Variants in CELF2 observed in about 807,000 individuals in gnomAD.
CELF2 encodes CUGBP Elav-like family member 2, also known as CUG triplet repeat RNA-binding protein 2.
Under a neutral mutation model 62.6 loss-of-function variants are expected in CELF2, and 8 were observed. That is an observed-to-expected ratio of 0.13 (90% CI 0.07 to 0.23). The LOEUF is 0.23. Ranked by LOEUF, CELF2 falls within the 10% of genes least tolerant of loss-of-function variation. The pLI is 1.00. For missense variants in CELF2, 333 were observed against 671.0 expected (o/e 0.50, Z 5.56); for synonymous variants, 258 against 250.0 (o/e 1.03, Z -0.30).
chr10:10,624,907 T>A, the CELF2 span, among the ~76,000 whole-genome samples: 1 of 152,226 alleles, frequency 6.6e-6, no homozygotes, highest in East Asian at 1.9e-4. Context: ...AAGGTCCTCG[T>A]GCTGCTACTT....
At chr10:10,628,988 G>A in the CELF2 span, among the ~76,000 whole-genome samples, 2 of 152,222 alleles carry the variant, frequency 1.3e-5, no homozygotes, top group East Asian at 3.9e-4. Context: ...AGCAGAAAAG[G>A]ACCCACATTG....
At chr10:10,933,862 G>A (rs1174736262) in intron 2 of CELF2, among the ~76,000 whole-genome samples, 1 of 152,202 alleles carries the variant, frequency 6.6e-6, no homozygotes, top group Non-Finnish European at 1.5e-5. Flanking sequence ...TGCTTAGGTT[G>A]ATTCCATATC....
chr10:10,829,324 C>A (rs1215859169), intron 1 of CELF2, among the ~76,000 whole-genome samples: 1 of 152,202 alleles, frequency 6.6e-6, no homozygotes, highest in Admixed American at 6.5e-5. Context: ...CTTAAAAATA[C>A]TTTTGATTAT....
chr10:10,982,259 C>T (rs2052224984), intron 2 of CELF2, among the ~76,000 whole-genome samples: 1 of 151,968 alleles, frequency 6.6e-6, no homozygotes, highest in Non-Finnish European at 1.5e-5. Flanking sequence ...TCAGCCGACC[C>T]TCTCTTCTAC....
At chr10:11,172,359 A>G (rs544380512) in intron 2 of CELF2, among the ~76,000 whole-genome samples, 25 of 152,224 alleles carry the variant, frequency 1.6e-4, no homozygotes, top group Non-Finnish European at 3.1e-4. Flanking sequence ...CATCTTTGTG[A>G]AAGGTGGCTT....
chr10:11,197,656 A>G (rs1414300311), intron 2 of CELF2, among the ~76,000 whole-genome samples: 1 of 152,216 alleles, frequency 6.6e-6, no homozygotes, highest in Non-Finnish European at 1.5e-5. Flanking sequence ...GCTGAACAGA[A>G]TCTCAGTTCT....
At chr10:10,623,085 C>CAAAAAAAAAAAAAAAAAAA in the CELF2 span, among the ~76,000 whole-genome samples, 1 of 57,198 alleles carries the variant, frequency 1.7e-5, no homozygotes. Flanking sequence ...GACTCCGTCT[C>CAAAAAAAAAAAAAAAAAAA]AAAAAAAAAA....
chr10:11,152,450 G>T (rs1235264922), intron 1 of CELF2, among the ~76,000 whole-genome samples: 1 of 152,024 alleles, frequency 6.6e-6, no homozygotes, highest in Non-Finnish European at 1.5e-5. Flanking sequence ...TTAAATAATG[G>T]GACTATAGCA....
chr10:10,754,207 C>T, the CELF2 span, among the ~76,000 whole-genome samples: 5 of 151,216 alleles, frequency 3.3e-5, no homozygotes, highest in East Asian at 7.8e-4. Flanking sequence ...TGCAGTGGCA[C>T]AATCACAGCT....
intron 9 of CELF2, among the ~76,000 whole-genome samples, chr10:11,312,348 T>C (rs2094605495): frequency 6.6e-6 from 1 of 152,098 alleles, no homozygotes; most frequent in Admixed American, 6.5e-5. Flanking sequence ...AAGTGGTAAA[T>C]ATGTGGGCAA....
In CELF2 at chr10:10,877,842, G is replaced by A. The variant is rs73567585; in HGVS notation, c.54-42122G>A. Among the ~76,000 whole-genome samples, 118 of 152,026 alleles carry A rather than the reference G, an allele frequency of 7.8e-4. 1 individual carries two copies. The highest frequency in any genetic ancestry group is 2.6e-3 in the African/African-American group (108 of 41,448). On this transcript the variant is annotated intron_variant, in intron 1 of 13. Transcript: ENST00000636488. Reference sequence around the variant, plus strand: ...TTTATTTATTCAATAATTCTACTTCGTGCCTGTTATATTCAGCAAGCCTGG... The same window carrying A: ...TTTATTTATTCAATAATTCTACTTCATGCCTGTTATATTCAGCAAGCCTGG...
intron 3 of CELF2, among the ~76,000 whole-genome samples, chr10:11,222,232 A>G (rs1227153973): frequency 6.6e-6 from 1 of 152,144 alleles, no homozygotes; most frequent in Non-Finnish European, 1.5e-5. Flanking sequence ...GGAGGTGTTC[A>G]TTTTCTTTGA....
intron 2 of CELF2, among the ~76,000 whole-genome samples, chr10:11,174,955 A>C (rs1015379669): frequency 2.0e-5 from 3 of 152,202 alleles, no homozygotes; most frequent in Non-Finnish European, 2.9e-5. Context: ...ATACCTCCCT[A>C]CTAAACATTC....
chr10:11,274,955 C>T, intron 7 of CELF2, 102 bp from the exon 8 acceptor site: 1 of 1,135,494 alleles, frequency 8.8e-7, no homozygotes, highest in Non-Finnish European at 1.3e-6. Context: ...GGAGTAGCAA[C>T]CAACCCTGGA....
At chr10:10,524,158 G>T in the CELF2 span, among the ~76,000 whole-genome samples, 7 of 152,022 alleles carry the variant, frequency 4.6e-5, no homozygotes, top group Non-Finnish European at 8.8e-5. Flanking sequence ...AGAAATGGGG[G>T]AAGATGAAAA....
At chr10:11,265,094 C>G (rs2081829126) in intron 5 of CELF2, among the ~76,000 whole-genome samples, 3 of 152,180 alleles carry the variant, frequency 2.0e-5, no homozygotes, top group Non-Finnish European at 4.4e-5. Flanking sequence ...AAAGGTGCCG[C>G]TACAGTATTG....
chr10:10,657,729 T>C, the CELF2 span, among the ~76,000 whole-genome samples: 1 of 152,200 alleles, frequency 6.6e-6, no homozygotes, highest in Non-Finnish European at 1.5e-5. Context: ...GGAGAATATA[T>C]TCCAGGAGCA....
the CELF2 span, among the ~76,000 whole-genome samples, chr10:10,620,242 G>A: frequency 6.6e-6 from 1 of 152,198 alleles, no homozygotes; most frequent in South Asian, 2.1e-4. Flanking sequence ...TTTCACAACA[G>A]CAGAGTTCAG....
intron 1 of CELF2, among the ~76,000 whole-genome samples, chr10:11,079,744 C>T (rs1204644126): frequency 1.6e-5 from 2 of 126,750 alleles, no homozygotes; most frequent in Non-Finnish European, 1.7e-5. Flanking sequence ...TAATACAGCC[C>T]CCCCCCCCTT....
Sources: allele counts gnomAD v4.1 joint callset (sites outside exome capture counted in the v4.1 genomes callset), GRCh38; gene constraint gnomAD v4.1.1; transcripts MANE v1.5; gene names NCBI Gene and HGNC (gene_info 2026-07-23, HGNC 2026-07-21).